The following LILRB3 variants were observed in gnomAD, a reference collection of about 807,000 sequenced individuals.
LILRB3 encodes leukocyte immunoglobulin-like receptor subfamily B member 3.
A neutral mutation model predicts 68.2 loss-of-function variants in LILRB3; 32 were observed. That is an observed-to-expected ratio of 0.47 (90% CI 0.35 to 0.63). The LOEUF (loss-of-function observed/expected upper bound fraction) is 0.63, where lower values mean the gene tolerates loss of function less well. LILRB3 is among the 30% of genes least tolerant of loss of function. The pLI is 0.00. For synonymous variants in LILRB3, 185 were observed against 323.1 expected, an observed-to-expected ratio of 0.57 and a Z score of 4.58; for missense variants, 502 against 791.3, an observed-to-expected ratio of 0.63 and a Z score of 4.39.
At chr19:54,219,432 C>T (rs1306731641) in intron 7 of LILRB3, 187 bp from the exon 8 acceptor site, 3 of 1,512,488 alleles carry the variant, frequency 2.0e-6, no homozygotes, top group African/African-American at 1.4e-5. Flanking sequence ...GAGTCGCCTG[C>T]CCCAGGCCTC....
exon 12 of LILRB3, chr19:54,217,379 A>G (rs754221033): frequency 1.7e-5 from 27 of 1,593,032 alleles, no homozygotes; most frequent in Admixed American, 5.1e-5. Context: ...GGAATTCCCC[A>G]GACAGTGAGG....
At chr19:54,220,082 G>T in intron 7 of LILRB3, 73 bp downstream of exon 7, 1 of 1,491,662 alleles carries the variant, frequency 6.7e-7, no homozygotes, top group South Asian at 1.2e-5. Flanking sequence ...TGAGGGGAGG[G>T]GAGTGGGATC....
exon 3 of LILRB3, chr19:54,222,356 C>A (rs2078276779): frequency 1.3e-6 from 2 of 1,599,478 alleles, no homozygotes; most frequent in Non-Finnish European, 1.7e-6. Context: ...TATCTCCCTG[C>A]ATGGTGCTGT....
At chr19:54,221,056 C>T in intron 5 of LILRB3, 27 bp downstream of exon 5, 1 of 1,370,732 alleles carries the variant, frequency 7.3e-7, no homozygotes, top group South Asian at 1.2e-5. Context: ...AGCCTGGGTC[C>T]CTGACTGAAC....
Position 54,219,122 on chromosome 19 carries a change from T to A in LILRB3, c.1426+7A>T. On this transcript the variant is annotated splice_region_variant and intron_variant, in intron 8 of 12. Coordinates refer to ENST00000445347, the Ensembl canonical transcript of LILRB3. ...TCGACCCATGGGTCCCCCGCTTCCCTACTCACCAGATGTCCTGTGTTTGCT... is the reference window on the plus strand; with the variant it reads ...TCGACCCATGGGTCCCCCGCTTCCCAACTCACCAGATGTCCTGTGTTTGCT... The A allele has an allele frequency of 1.3e-6, 2 of 1,586,332 alleles. No homozygotes were observed. Among genetic ancestry groups the A allele is most frequent in the Non-Finnish European group, 1.7e-6 (2 of 1,167,680 alleles).
intron 7 of LILRB3, chr19:54,219,783 C>A: frequency 1.3e-6 from 2 of 1,504,622 alleles, no homozygotes; most frequent in East Asian, 2.5e-5. Context: ...CACATCACCA[C>A]CTCCAGAGGA....
chr19:54,218,438 G>A lies in LILRB3; in HGVS notation c.1541-25C>T, dbSNP rs775229491. ...TCTGCTGGGGCAGAGCAAGGGGTTC[G>A]TCTCCTGGTTCTCTGAGACCTCTCA... On this transcript the variant is annotated intron_variant, in intron 10 of 12. Coordinates refer to ENST00000445347, the Ensembl canonical transcript of LILRB3. The A allele has an allele frequency of 9.3e-6, 15 of 1,613,618 alleles. No homozygotes were observed. The East Asian group carries it at 2.2e-4, about 24-fold the overall frequency.
chr19:54,222,839 G>A (rs140063405), intron 1 of LILRB3, 57 bp from the exon 2 acceptor site: 82 of 1,611,828 alleles, frequency 5.1e-5, no homozygotes, highest in African/African-American at 4.2e-4. Context: ...GTCCCCGCCC[G>A]GGTGCCTCCT....
rs1055067432 is a variant in LILRB3 at position 54,219,633 on chromosome 19, G to A, written c.1310-388C>T. 2.5e-5 allele frequency: 38 copies of A among 1,495,114 alleles called. No homozygotes were observed. The East Asian group carries it at 4.0e-4, about 16-fold the overall frequency. 92.6% of individuals were successfully genotyped at this position (1,495,114 alleles called of 1,614,324 possible). A position where few individuals can be genotyped will look rare whatever the true frequency, so the allele number is the denominator to read the frequency against. ...GGACGGGACAGGCCCCTGTGGAATC[G>A]GGTCTGGGAGGTTCCCTGGGAGGCC... is the stretch of plus-strand genomic sequence containing the variant. On this transcript the variant is annotated intron_variant, in intron 7 of 12. Transcript: ENST00000445347.
exon 4 of LILRB3, chr19:54,221,964 A>G: frequency 1.9e-6 from 3 of 1,607,350 alleles, no homozygotes; most frequent in Non-Finnish European, 8.5e-7. Context: ...GGAACCCCCC[A>G]CTGTGGAGCT....
chr19:54,217,402 C>A, exon 12 of LILRB3: 1 of 1,605,324 alleles, frequency 6.2e-7, no homozygotes, highest in Non-Finnish European at 8.5e-7. Context: ...GGAGGAGAGG[C>A]CATTTCTCTC....
At chr19:54,220,937 A>G (rs1305115804) in intron 5 of LILRB3, 107 bp from the exon 6 acceptor site, 1 of 1,144,894 alleles carries the variant, frequency 8.7e-7, no homozygotes, top group Non-Finnish European at 1.2e-6. Context: ...GTTTTCTCTG[A>G]GTCTCCCCTC....
At chr19:54,220,090 A>T (rs1338683635) in intron 7 of LILRB3, 65 bp downstream of exon 7, 5 of 1,500,446 alleles carry the variant, frequency 3.3e-6, no homozygotes, top group Middle Eastern at 1.9e-4. Context: ...GGGGAGTGGG[A>T]TCCTTTGGGA....
At chr19:54,222,672 C>T (rs2078315773) in intron 2 of LILRB3, 75 bp downstream of exon 2, 9 of 1,612,312 alleles carry the variant, frequency 5.6e-6, no homozygotes, top group Middle Eastern at 1.7e-4. Context: ...CTACTGTCTC[C>T]TCCCCCAGCT....
chr19:54,218,078 A>G (rs796629210), intron 11 of LILRB3, among the ~76,000 whole-genome samples: 3 of 128,898 alleles, frequency 2.3e-5, no homozygotes, highest in East Asian at 1.9e-4. Flanking sequence ...CAGGGGACGG[A>G]GGTGGTTCAT....
intron 11 of LILRB3, chr19:54,217,694 T>TC: frequency 1.2e-6 from 1 of 867,970 alleles, no homozygotes; most frequent in Middle Eastern, 3.7e-4. Context: ...TCACAGGCCT[T>TC]CCTGCAAGAG....
chr19:54,217,541 T>C (rs189836555), intron 11 of LILRB3, 67 bp from the exon 12 acceptor site: 124,357 of 1,454,370 alleles, frequency 0.086, 6,423 homozygotes, highest in African/African-American at 0.27. Flanking sequence ...TCAATTTTCC[T>C]CACTGTTCCC....
rs1181731306 is a variant in LILRB3 at position 54,222,261 on chromosome 19, C to T, written c.355+17G>A. The T allele has an allele frequency of 6.2e-7, 1 of 1,611,124 alleles. No homozygotes were observed. Among genetic ancestry groups the T allele is most frequent in the South Asian group, 1.1e-5 (1 of 90,908 alleles). ...GAGGGCAGAGCCTGGGGCTGGGACC[C>T]CAGAGTGTCCTCTCACCTGTCATCA... On this transcript the variant is annotated intron_variant, in intron 3 of 12. Coordinates refer to ENST00000445347, the Ensembl canonical transcript of LILRB3.
exon 13 of LILRB3, chr19:54,216,554 C>T (rs1356258098): frequency 2.3e-6 from 2 of 856,698 alleles, no homozygotes; most frequent in African/African-American, 3.7e-5. Flanking sequence ...TCATGATCCG[C>T]CCGCATCAGC....
Sources: gnomAD v4.1 joint callset for allele counts (sites outside exome capture counted in the v4.1 genomes callset) on GRCh38, gnomAD v4.1.1 for gene constraint, MANE v1.5 for transcripts, NCBI Gene and HGNC (gene_info 2026-07-23, HGNC 2026-07-21) for gene names.